Variants in NDUFA5 observed in about 807,000 individuals in gnomAD.
The protein encoded by NDUFA5 is NADH dehydrogenase [ubiquinone] 1 alpha subcomplex subunit 5.
NDUFA5 carries 11 observed loss-of-function variants against 19.8 expected under a neutral mutation model. The ratio of observed to expected loss-of-function variants is 0.56; its 90% CI spans 0.35 to 0.92. The LOEUF (loss-of-function observed/expected upper bound fraction) is 0.92, where lower values mean the gene tolerates loss of function less well. Among genes scored for constraint, NDUFA5 ranks in the 40% least tolerant of loss-of-function variants. The probability of loss-of-function intolerance (pLI) is 0.01; values close to 1 mark genes in which losing one functional copy is unlikely to be tolerated. For synonymous variants in NDUFA5, 47 were observed against 46.8 expected (o/e 1.00, Z -0.01); for missense variants, 109 against 134.2 (o/e 0.81, Z 0.93).
chr7:123,592,527 T>G, the NDUFA5 span, among the ~76,000 whole-genome samples: 2 of 152,242 alleles, frequency 1.3e-5, no homozygotes, highest in Non-Finnish European at 2.9e-5. Context: ...CATTTCTGCC[T>G]TCATTTTGTT....
chr7:123,595,424 G>T, the NDUFA5 span, among the ~76,000 whole-genome samples: 1 of 152,106 alleles, frequency 6.6e-6, no homozygotes, highest in South Asian at 2.1e-4. Context: ...TCTGTGTCGG[G>T]TTATTCTTTG....
rs1431295926 is a variant in NDUFA5 at position 123,540,899 on chromosome 7, CACACA to C, written c.*1215_*1219del. 7.5e-6 allele frequency: 1 copy of C among 133,228 alleles called. No homozygotes were observed. Among genetic ancestry groups the C allele is most frequent in the Non-Finnish European group, 1.7e-5 (1 of 59,358 alleles). 8.3% of individuals were successfully genotyped at this position (133,228 alleles called of 1,614,324 possible). On this transcript the variant is annotated 3_prime_UTR_variant, in exon 5 of 5. Coordinates refer to ENST00000355749, the MANE Select transcript of NDUFA5 (RefSeq NM_005000.5). ...ATGTGCGCATGCGCGTGCACACACA[CACACA>C]CACACACACACACACACACACACAC...
rs551654545 is a variant in NDUFA5 at position 123,540,879 on chromosome 7, C to G, written c.*1240G>C. ...TTTTTTCTCATTCTGAGCAAATGTGCGCATGCGCGTGCACACACACACACA... is the reference window on the plus strand; with the variant it reads ...TTTTTTCTCATTCTGAGCAAATGTGGGCATGCGCGTGCACACACACACACA... On this transcript the variant is annotated 3_prime_UTR_variant, in exon 5 of 5. Coordinates refer to ENST00000355749, the MANE Select transcript of NDUFA5 (RefSeq NM_005000.5). 4 of 122,594 alleles carry G rather than the reference C, an allele frequency of 3.3e-5. No individual in the cohort carries two copies. Among genetic ancestry groups the G allele is most frequent in the African/African-American group, 1.2e-4 (4 of 32,084 alleles). 7.6% of individuals were successfully genotyped at this position (122,594 alleles called of 1,614,324 possible).
chr7:123,571,965 G>T, the NDUFA5 span, among the ~76,000 whole-genome samples: 4 of 151,472 alleles, frequency 2.6e-5, no homozygotes, highest in Non-Finnish European at 5.9e-5. Context: ...AGAGATGGAG[G>T]TCTCACTACA....
the NDUFA5 span, among the ~76,000 whole-genome samples, chr7:123,585,671 C>A: frequency 6.6e-6 from 1 of 151,010 alleles, no homozygotes; most frequent in Non-Finnish European, 1.5e-5. Flanking sequence ...GTGGTGAGAA[C>A]AATTAAGCAA....
At chr7:123,596,528 C>T in the NDUFA5 span, 2 of 152,130 alleles carry the variant, frequency 1.3e-5, no homozygotes, top group Admixed American at 1.3e-4. Flanking sequence ...GAGATGATTA[C>T]TTGAGCCTGG....
the NDUFA5 span, among the ~76,000 whole-genome samples, chr7:123,563,639 T>G: frequency 6.6e-6 from 1 of 152,240 alleles, no homozygotes; most frequent in African/African-American, 2.4e-5. Flanking sequence ...CTAATAGACT[T>G]GCTTGATACA....
At chr7:123,583,850 AT>A in the NDUFA5 span, among the ~76,000 whole-genome samples, 1 of 151,936 alleles carries the variant, frequency 6.6e-6, no homozygotes, top group Non-Finnish European at 1.5e-5. Flanking sequence ...TGATTCCACA[AT>A]AAAAAACCAA....
At chr7:123,561,105 C>G (rs1016118054), upstream of NDUFA5, among the ~76,000 whole-genome samples, 5 of 152,198 alleles carry the variant, frequency 3.3e-5, no homozygotes, top group African/African-American at 1.2e-4. Context: ...TGGCAATACT[C>G]AAGTTGATGT....
chr7:123,550,674 A>C, intron 2 of NDUFA5, 88 bp from the exon 3 acceptor site: 1 of 800,376 alleles, frequency 1.2e-6, no homozygotes, highest in Non-Finnish European at 2.0e-6. Context: ...AAACAAACAA[A>C]ACTCACATCT....
At chr7:123,567,806 C>G in the NDUFA5 span, among the ~76,000 whole-genome samples, 1 of 151,696 alleles carries the variant, frequency 6.6e-6, no homozygotes, top group African/African-American at 2.4e-5. Flanking sequence ...TTTCCTCTCT[C>G]AACCTTGGAA....
At chr7:123,564,684 G>C in the NDUFA5 span, among the ~76,000 whole-genome samples, 1 of 151,456 alleles carries the variant, frequency 6.6e-6, no homozygotes, top group Non-Finnish European at 1.5e-5. Context: ...ACAATGTTTT[G>C]ACTTACGATT....
At chr7:123,583,755 T>C in the NDUFA5 span, among the ~76,000 whole-genome samples, 1 of 151,848 alleles carries the variant, frequency 6.6e-6, no homozygotes, top group African/African-American at 2.4e-5. Context: ...CTTTTCCTCA[T>C]AACATCTTCA....
chr7:123,537,995 A>C lies in NDUFA5; in HGVS notation c.*4124T>G, dbSNP rs1797803615. ...GTGTACCACAAAAAATTAGCTGCTAATGTAAACCTAAAGACCAATTTGAAA... is the reference window on the plus strand; with the variant it reads ...GTGTACCACAAAAAATTAGCTGCTACTGTAAACCTAAAGACCAATTTGAAA... On this transcript the variant is annotated 3_prime_UTR_variant, in exon 5 of 5. Coordinates refer to ENST00000355749, the MANE Select transcript of NDUFA5 (RefSeq NM_005000.5). The C allele has an allele frequency of 6.6e-6, 1 of 152,352 alleles. No homozygotes were observed. The highest frequency in any genetic ancestry group is 1.5e-5 in the Non-Finnish European group (1 of 68,024). The allele number at this position is 152,352 out of a possible 1,614,324, so 9.4% of individuals were successfully genotyped here.
At chr7:123,570,434 G>C in the NDUFA5 span, among the ~76,000 whole-genome samples, 2 of 151,828 alleles carry the variant, frequency 1.3e-5, no homozygotes, top group Non-Finnish European at 2.9e-5. Context: ...AGAGTGGCAG[G>C]GACTGTTACT....
At chr7:123,572,728 C>T in the NDUFA5 span, among the ~76,000 whole-genome samples, 2 of 150,064 alleles carry the variant, frequency 1.3e-5, no homozygotes, top group African/African-American at 4.9e-5. Flanking sequence ...TTTTCTGCAA[C>T]ATGTTATTTT....
chr7:123,594,901 A>T, the NDUFA5 span, among the ~76,000 whole-genome samples: 1 of 152,200 alleles, frequency 6.6e-6, no homozygotes. Context: ...AGGTGGAATC[A>T]AGAGAGGCAG....
chr7:123,551,844 A>G (rs1435814341), intron 2 of NDUFA5, among the ~76,000 whole-genome samples: 1 of 152,246 alleles, frequency 6.6e-6, no homozygotes, highest in Non-Finnish European at 1.5e-5. Flanking sequence ...TTTTTAATAT[A>G]GCATTTTAAT....
upstream of NDUFA5, among the ~76,000 whole-genome samples, chr7:123,559,120 A>C (rs1312604695): frequency 6.6e-6 from 1 of 152,216 alleles, no homozygotes; most frequent in African/African-American, 2.4e-5. Flanking sequence ...AGCAAGAATA[A>C]AAGAACCATC....
Sources: gnomAD v4.1 joint callset for allele counts (sites outside exome capture counted in the v4.1 genomes callset) on GRCh38, gnomAD v4.1.1 for gene constraint, MANE v1.5 for transcripts, NCBI Gene and HGNC (gene_info 2026-07-23, HGNC 2026-07-21) for gene names.